PAG1: variants seen among roughly 807,000 people sequenced by gnomAD.
PAG1 encodes phosphoprotein associated with glycosphingolipid-enriched microdomains 1.
PAG1 carries 23 observed loss-of-function variants against 31.7 expected under a neutral mutation model. The ratio of observed to expected loss-of-function variants is 0.73; its 90% CI spans 0.52 to 1.03. PAG1 has a LOEUF of 1.03. Among genes scored for constraint, PAG1 ranks in the 50% least tolerant of loss-of-function variants. The probability of loss-of-function intolerance (pLI) is 0.00; values close to 1 mark genes in which losing one functional copy is unlikely to be tolerated. For missense variants in PAG1, 473 were observed against 540.7 expected, an observed-to-expected ratio of 0.87 and a Z score of 1.24; for synonymous variants, 214 against 210.3, an observed-to-expected ratio of 1.02 and a Z score of -0.15.
At chr8:81,012,649 A>G (rs1808004467) in intron 3 of PAG1, among the ~76,000 whole-genome samples, 1 of 152,248 alleles carries the variant, frequency 6.6e-6, no homozygotes, top group Non-Finnish European at 1.5e-5. Context: ...TATAATTTAT[A>G]ATTGAATTTA....
Position 80,990,379 on chromosome 8 carries a change from C to T in PAG1, c.177+1100G>A, listed in dbSNP as rs748078988. On this transcript the variant is annotated intron_variant, in intron 5 of 8. Coordinates refer to ENST00000220597, the MANE Select transcript of PAG1 (RefSeq NM_018440.4). The surrounding 1 kb of genome is among the most constrained non-coding windows in gnomAD (Gnocchi z 5.1). ...CATCTCTGCAAACGTCTGCTGGCTG[C>T]GGGTTTTACGCCAGACCTTGGCTCA... Among the ~76,000 whole-genome samples, 3 of 152,140 alleles carry T rather than the reference C, an allele frequency of 2.0e-5. No homozygotes were observed. Among genetic ancestry groups the T allele is most frequent in the Non-Finnish European group, 4.4e-5 (3 of 68,032 alleles).
At chr8:81,065,796 TG>T (rs1162931165) in intron 2 of PAG1, among the ~76,000 whole-genome samples, 2 of 151,054 alleles carry the variant, frequency 1.3e-5, no homozygotes, top group African/African-American at 4.9e-5. Context: ...TATATATATA[TG>T]TATATATATG....
At chr8:81,101,740 A>T (rs958293857) in intron 1 of PAG1, among the ~76,000 whole-genome samples, 4 of 149,078 alleles carry the variant, frequency 2.7e-5, no homozygotes, top group African/African-American at 1.0e-4. Context: ...AAAGCTCTCC[A>T]TTCAATCAAG....
chr8:81,094,887 C>T (rs750172248), intron 1 of PAG1, among the ~76,000 whole-genome samples: 1 of 152,232 alleles, frequency 6.6e-6, no homozygotes, highest in African/African-American at 2.4e-5. Context: ...CCAGCCATAA[C>T]ATGCACCAGC....
At chr8:81,094,485 T>C (rs1809495225) in intron 1 of PAG1, among the ~76,000 whole-genome samples, 1 of 152,206 alleles carries the variant, frequency 6.6e-6, no homozygotes, top group South Asian at 2.1e-4. Context: ...CATGACAATT[T>C]TCTGTGAGGC....
intron 1 of PAG1, among the ~76,000 whole-genome samples, chr8:81,095,922 T>G (rs1018199374): frequency 1.3e-5 from 2 of 152,190 alleles, no homozygotes; most frequent in African/African-American, 4.8e-5. Context: ...GGAAAATGAA[T>G]GAATAAACAG....
intron 5 of PAG1, 113 bp from the exon 6 acceptor site, chr8:80,987,579 A>G (rs1352069220): frequency 5.7e-6 from 4 of 706,232 alleles, no homozygotes; most frequent in Non-Finnish European, 9.9e-6. Context: ...GCAGAAACAG[A>G]AAACAGAATC....
intron 1 of PAG1, among the ~76,000 whole-genome samples, chr8:81,106,676 C>A (rs1459499614): frequency 1.3e-5 from 2 of 152,066 alleles, no homozygotes; most frequent in African/African-American, 4.8e-5. Context: ...ACTTATTGAA[C>A]AAATATTGGC....
intron 3 of PAG1, among the ~76,000 whole-genome samples, chr8:81,028,788 GAACA>G (rs1444093572): frequency 2.6e-5 from 4 of 152,290 alleles, no homozygotes; most frequent in African/African-American, 7.2e-5. Flanking sequence ...CTATTACAGT[GAACA>G]AACAATGTCC....
chr8:81,053,004 T>C (rs1209510869), intron 2 of PAG1, among the ~76,000 whole-genome samples: 1 of 152,260 alleles, frequency 6.6e-6, no homozygotes, highest in Non-Finnish European at 1.5e-5. Context: ...TATTTATTTT[T>C]ACAATGCTCT....
At chr8:81,014,932 G>C (rs778701636) in intron 3 of PAG1, among the ~76,000 whole-genome samples, 1 of 152,164 alleles carries the variant, frequency 6.6e-6, no homozygotes, top group Non-Finnish European at 1.5e-5. Context: ...CTGAAGTCAG[G>C]AGGCAGAGCG....
At chr8:81,109,523 T>C (rs1809742361) in intron 1 of PAG1, among the ~76,000 whole-genome samples, 1 of 152,224 alleles carries the variant, frequency 6.6e-6, no homozygotes, top group South Asian at 2.1e-4. Context: ...TCTGTATCGC[T>C]AGACAGTGCA....
chr8:80,976,622 GTGGCCATTGGT>G lies in PAG1; in HGVS notation c.1210_1220del (p.Thr404ProfsTer15). ...CGTTCTCCTTTGGGACGAGACCGTG[GTGGCCATTGGT>G]CCCCAGGGTGGCCTTTTCTTCCTCT... is the stretch of plus-strand genomic sequence containing the variant. On this transcript the variant is annotated frameshift_variant, in exon 9 of 9. Coordinates refer to ENST00000220597, the MANE Select transcript of PAG1 (RefSeq NM_018440.4). LOFTEE classifies it high-confidence loss of function. The G allele has an allele frequency of 6.2e-7, 1 of 1,614,136 alleles. No individual in the cohort carries two copies. The highest frequency in any genetic ancestry group is 8.5e-7 in the Non-Finnish European group (1 of 1,179,984).
At chr8:81,013,062 T>A (rs1213973948) in intron 3 of PAG1, among the ~76,000 whole-genome samples, 1 of 152,194 alleles carries the variant, frequency 6.6e-6, no homozygotes, top group Non-Finnish European at 1.5e-5. Context: ...TGTATAACTA[T>A]CCAGAATCAT....
intron 2 of PAG1, among the ~76,000 whole-genome samples, chr8:81,046,810 C>T (rs1410475674): frequency 1.3e-5 from 2 of 152,134 alleles, no homozygotes; most frequent in African/African-American, 4.8e-5. Flanking sequence ...GCCCAGCATC[C>T]ATTAGTTATT....
Position 81,041,889 on chromosome 8 carries a change from T to C in PAG1, c.-174-11800A>G, listed in dbSNP as rs531442991. 2.0e-5 allele frequency among the ~76,000 whole-genome samples: 3 copies of C among 152,304 alleles called. No individual in the cohort carries two copies. The South Asian group carries it at 6.2e-4, about 32-fold the overall frequency. On this transcript the variant is annotated intron_variant, in intron 2 of 8. Transcript: ENST00000220597. ...GGCTCACCATAATATCCACAAGTAG[T>C]ACCATGAATGAGGAAGTAACACTAT...
chr8:81,050,665 G>T (rs1298347026), intron 2 of PAG1, among the ~76,000 whole-genome samples: 1 of 152,108 alleles, frequency 6.6e-6, no homozygotes, highest in Non-Finnish European at 1.5e-5. Flanking sequence ...TGGATTTAAG[G>T]CATTTGGATT....
Position 80,976,787 on chromosome 8 carries a change from G to A in PAG1, c.1056C>T (p.Pro352=), listed in dbSNP as rs1807193275. 6.2e-7 allele frequency: 1 copy of A among 1,614,056 alleles called. No individual in the cohort carries two copies. ...TSIQGDPQRS[P]SSCNDLYATV... is the part of the protein sequence containing the mutation. ...TAGCATAGAGATCATTACAGGAGGAGGGTGACCTCTGTGGGTCCCCTTGAA... is the reference window on the plus strand; with the variant it reads ...TAGCATAGAGATCATTACAGGAGGAAGGTGACCTCTGTGGGTCCCCTTGAA... The change falls in exon 9 of 9, where the codon CCC becomes CCT. Residue 352 remains proline, a synonymous_variant. Coordinates refer to ENST00000220597, the MANE Select transcript of PAG1 (RefSeq NM_018440.4).
chr8:80,994,845 G>T (rs1276611676), intron 3 of PAG1, among the ~76,000 whole-genome samples: 1 of 152,194 alleles, frequency 6.6e-6, no homozygotes, highest in African/African-American at 2.4e-5. Context: ...TAAATGAAAA[G>T]AAATAGCCTT....
Sources: allele counts gnomAD v4.1 joint callset (sites outside exome capture counted in the v4.1 genomes callset), GRCh38; gene constraint gnomAD v4.1.1; non-coding constraint Gnocchi (gnomAD v3.1); transcripts MANE v1.5; gene names NCBI Gene and HGNC (gene_info 2026-07-23, HGNC 2026-07-21).